Variants in CA2 observed in about 807,000 individuals in gnomAD.
The protein encoded by CA2 is carbonic anhydrase 2.
A neutral mutation model predicts 27.8 loss-of-function variants in CA2; 23 were observed. The ratio of observed to expected loss-of-function variants is 0.83; its 90% CI spans 0.59 to 1.17. The LOEUF (loss-of-function observed/expected upper bound fraction) is 1.17, where lower values mean the gene tolerates loss of function less well. Among genes scored for constraint, CA2 ranks in the 50% most tolerant of loss-of-function variants. The pLI is 0.00. For missense variants in CA2, 300 were observed against 314.7 expected, an observed-to-expected ratio of 0.95 and a Z score of 0.35; for synonymous variants, 99 against 114.9, an observed-to-expected ratio of 0.86 and a Z score of 0.88.
intron 4 of CA2, 101 bp downstream of exon 4, chr8:85,474,517 A>G (rs958220896): frequency 4.4e-6 from 4 of 918,362 alleles, no homozygotes; most frequent in Non-Finnish European, 7.3e-6. Context: ...GAGCTTAGGA[A>G]ATGCCTTTGT....
At chr8:85,472,709 G>A (rs964144656) in intron 2 of CA2, among the ~76,000 whole-genome samples, 1 of 152,000 alleles carries the variant, frequency 6.6e-6, no homozygotes, top group Non-Finnish European at 1.5e-5. Flanking sequence ...AAAAATTTTC[G>A]GCCGGGCACG....
intron 2 of CA2, among the ~76,000 whole-genome samples, chr8:85,466,884 GTA>G (rs1385218274): frequency 2.0e-5 from 3 of 152,032 alleles, no homozygotes; most frequent in Non-Finnish European, 4.4e-5. Flanking sequence ...AAAGAATACT[GTA>G]TATTTATAAC....
At position 85,464,065 on chromosome 8, in the gene CA2, C is replaced by T. The variant is rs1362797635; in HGVS notation, c.-17C>T. 1.3e-6 allele frequency: 2 copies of T among 1,546,584 alleles called. No individual in the cohort carries two copies. Among genetic ancestry groups the T allele is most frequent in the South Asian group, 1.2e-5 (1 of 84,058 alleles). On this transcript the variant is annotated 5_prime_UTR_variant, in exon 1 of 7. Coordinates refer to ENST00000285379, the MANE Select transcript of CA2 (RefSeq NM_000067.3). Reference sequence around the variant, plus strand: ...ATCGGTGCCGATTCCTGCCCTGCCCCGACCGCCAGCGCGACCATGTCCCAT... The same window carrying T: ...ATCGGTGCCGATTCCTGCCCTGCCCTGACCGCCAGCGCGACCATGTCCCAT...
intron 5 of CA2, among the ~76,000 whole-genome samples, chr8:85,476,265 T>G (rs1811797392): frequency 6.6e-6 from 1 of 152,238 alleles, no homozygotes; most frequent in Non-Finnish European, 1.5e-5. Context: ...AACAAGGCCC[T>G]GTTTCATGGA....
rs1811883848 is a variant in CA2 at position 85,481,004 on chromosome 8, G to A, written c.*215G>A. ...GTGGCTGGTTGGTGCTTTGTTTATG[G>A]TAGTAGTTTTTCTGTAACACAGAAT... On this transcript the variant is annotated 3_prime_UTR_variant, in exon 7 of 7. Transcript: ENST00000285379. 2 of 551,060 alleles carry A rather than the reference G, an allele frequency of 3.6e-6. No homozygotes were observed. Among genetic ancestry groups the A allele is most frequent in the East Asian group, 3.2e-5 (1 of 30,900 alleles). The allele number at this position is 551,060 out of a possible 1,614,324, so 34.1% of individuals were successfully genotyped here.
chr8:85,474,926 G>A (rs1439735132), intron 4 of CA2, among the ~76,000 whole-genome samples: 1 of 152,118 alleles, frequency 6.6e-6, no homozygotes, highest in Non-Finnish European at 1.5e-5. Context: ...AGTACAGCAC[G>A]AAGAGGGAGA....
chr8:85,475,752 A>C (rs758833032), intron 4 of CA2, 46 bp from the exon 5 acceptor site: 3 of 1,551,692 alleles, frequency 1.9e-6, no homozygotes, highest in Non-Finnish European at 1.8e-6. Context: ...AAACTGGTAC[A>C]GTACCAACTG....
intron 2 of CA2, 60 bp downstream of exon 2, chr8:85,465,529 G>A: frequency 7.3e-7 from 1 of 1,365,060 alleles, no homozygotes; most frequent in South Asian, 1.2e-5. Context: ...GAGCTTAATG[G>A]AAGGAGCCAG....
intron 6 of CA2, 72 bp from the exon 7 acceptor site, chr8:85,480,598 A>G (rs1218302321): frequency 4.7e-6 from 7 of 1,481,772 alleles, no homozygotes; most frequent in East Asian, 4.6e-5. Context: ...ATGTATTTAA[A>G]GATATAACAC....
intron 3 of CA2, 143 bp downstream of exon 3, chr8:85,473,954 AT>A: frequency 1.5e-6 from 1 of 679,480 alleles, no homozygotes; most frequent in Non-Finnish European, 2.7e-6. Context: ...TTTGCTTTTT[AT>A]AACCTTTAAT....
intron 5 of CA2, among the ~76,000 whole-genome samples, chr8:85,476,643 T>G (rs1377847795): frequency 6.6e-6 from 1 of 152,232 alleles, no homozygotes; most frequent in Non-Finnish European, 1.5e-5. Context: ...ACCTTGTCAT[T>G]CTTCCAGTAA....
intron 2 of CA2, 64 bp downstream of exon 2, chr8:85,465,533 G>C: frequency 7.5e-7 from 1 of 1,336,666 alleles, no homozygotes; most frequent in South Asian, 1.2e-5. Flanking sequence ...TTAATGGAAG[G>C]AGCCAGGAAC....
chr8:85,464,763 G>C (rs757699003), intron 1 of CA2: 1 of 158,938 alleles, frequency 6.3e-6, no homozygotes, highest in Non-Finnish European at 1.4e-5. Flanking sequence ...CGGAGCAGAG[G>C]AGCATGCGTC....
At chr8:85,464,250 G>T (rs1564076501) in intron 1 of CA2, 135 bp downstream of exon 1, 3 of 740,440 alleles carry the variant, frequency 4.1e-6, no homozygotes, top group Non-Finnish European at 6.0e-6. Flanking sequence ...GAGTGCTGGA[G>T]GCTCAGGTGC....
intron 2 of CA2, among the ~76,000 whole-genome samples, chr8:85,470,589 T>C (rs370739399): frequency 1.3e-5 from 2 of 152,176 alleles, no homozygotes; most frequent in African/African-American, 4.8e-5. Flanking sequence ...TTAATTTGTA[T>C]AAGTAATGTG....
intron 4 of CA2, 129 bp downstream of exon 4, chr8:85,474,545 G>T: frequency 1.3e-6 from 1 of 771,964 alleles, no homozygotes; most frequent in Non-Finnish European, 2.3e-6. Flanking sequence ...ATGTTTTCAA[G>T]TTTATCTCCT....
At position 85,465,291 on chromosome 8, in the gene CA2, G is replaced by A; in HGVS notation, c.54G>A (p.Lys18=). The change falls in exon 2 of 7, where the codon AAG becomes AAA. Residue 18 remains lysine (K), a synonymous_variant. Transcript: ENST00000285379. ...GKHNGPEHWH[K]DFPIAKGERQ... ...CCCCAGGACCTGAGCACTGGCATAA[G>A]GACTTCCCCATTGCCAAGGGAGAGC... is the stretch of plus-strand genomic sequence containing the variant. 6.2e-7 allele frequency: 1 copy of A among 1,614,088 alleles called. No individual in the cohort carries two copies. The highest frequency in any genetic ancestry group is 8.5e-7 in the Non-Finnish European group (1 of 1,179,960).
chr8:85,480,522 C>T (rs1363760492), intron 6 of CA2, 148 bp from the exon 7 acceptor site: 18 of 711,016 alleles, frequency 2.5e-5, no homozygotes, highest in African/African-American at 5.3e-5. Flanking sequence ...GTGATCCACC[C>T]GCCTCATGCC....
rs528342600 is a variant in CA2, at chr8:85,465,576, T to C, written c.232+107T>C. 128 of 889,588 alleles carry C rather than the reference T, an allele frequency of 1.4e-4. No homozygotes were observed. In the African/African-American group the frequency reaches 1.9e-3, roughly 14 times the overall value. The allele number at this position is 889,588 out of a possible 1,614,324, so 55.1% of individuals were successfully genotyped here. ...GGAACCCTCTTAATAATACAGTTTG[T>C]CTCAGGACTCAAGGATGCCACCCTG... On this transcript the variant is annotated intron_variant, in intron 2 of 6. Transcript: ENST00000285379.
Sources: allele counts gnomAD v4.1 joint callset (sites outside exome capture counted in the v4.1 genomes callset), GRCh38; gene constraint gnomAD v4.1.1; transcripts MANE v1.5; gene names NCBI Gene and HGNC (gene_info 2026-07-23, HGNC 2026-07-21).